The following B3GAT1 variants were observed in gnomAD, a reference collection of about 807,000 sequenced individuals.
The protein encoded by B3GAT1 is galactosylgalactosylxylosylprotein 3-beta-glucuronosyltransferase 1.
Under a neutral mutation model 28.4 loss-of-function variants are expected in B3GAT1, and 11 were observed. The observed-to-expected ratio is 0.39, with a 90% CI of 0.24 to 0.64. The LOEUF is 0.64. B3GAT1 is among the 30% of genes least tolerant of loss of function. The probability of loss-of-function intolerance (pLI) is 0.50; values close to 1 mark genes in which losing one functional copy is unlikely to be tolerated. For synonymous variants in B3GAT1, 255 were observed against 223.1 expected, an observed-to-expected ratio of 1.14 and a Z score of -1.27; for missense variants, 375 against 491.0, an observed-to-expected ratio of 0.76 and a Z score of 2.23.
At chr11:134,395,015 T>C (rs2136323363) in intron 1 of B3GAT1, among the ~76,000 whole-genome samples, 1 of 152,362 alleles carries the variant, frequency 6.6e-6, no homozygotes, top group East Asian at 1.9e-4. Flanking sequence ...TCTGGCTAAC[T>C]GCAGGAATCT....
chr11:134,384,111 C>T lies in B3GAT1; in HGVS notation c.190G>A (p.Val64Met), dbSNP rs367583989. ...ACGTACTCGGTGCGCACCACCTCCA[C>T]GATGTCGCGGTCAGACGTGCAGTAC... is the stretch of plus-strand genomic sequence containing the variant. ...REYCTSDRDI[V>M]EVVRTEYVYT... The change falls in exon 3 of 6, where the codon GTG becomes ATG. Residue 64 changes from valine to methionine, a missense_variant. Physicochemically the swap from Val to Met is conservative, Grantham distance 21. Coordinates refer to ENST00000312527, the MANE Select transcript of B3GAT1 (RefSeq NM_054025.3). 5 of 1,588,402 alleles carry T rather than the reference C, an allele frequency of 3.1e-6. No homozygotes were observed. The East Asian group carries it at 1.1e-4, about 36-fold the overall frequency.
rs1016285513 is a variant in B3GAT1, at chr11:134,393,449, C to T, written c.-281-5509G>A. On this transcript the variant is annotated intron_variant, in intron 1 of 5. Coordinates refer to ENST00000312527, the MANE Select transcript of B3GAT1 (RefSeq NM_054025.3). The surrounding 1 kb of genome is among the most constrained non-coding windows in gnomAD (Gnocchi z 4.0). ...TCAGCCACATCGCAGCATCCCGCTG[C>T]GATCTCGTTTTGATTTCTTCAAAGT... is the stretch of plus-strand genomic sequence containing the variant. Among the ~76,000 whole-genome samples the T allele has an allele frequency of 1.3e-5, 2 of 152,170 alleles. No homozygotes were observed. The highest frequency in any genetic ancestry group is 2.4e-5 in the African/African-American group (1 of 41,440).
At chr11:134,403,150 G>A (rs151336819) in intron 1 of B3GAT1, among the ~76,000 whole-genome samples, 1,628 of 152,226 alleles carry the variant, frequency 0.011, 25 homozygotes, top group African/African-American at 0.037. Flanking sequence ...GTCCACCACC[G>A]ACATGTAGCC....
At chr11:134,404,846 C>G (rs568402389) in intron 1 of B3GAT1, among the ~76,000 whole-genome samples, 1 of 152,356 alleles carries the variant, frequency 6.6e-6, no homozygotes, top group Non-Finnish European at 1.5e-5. Context: ...AATACTTCAG[C>G]TACCACGCAG....
chr11:134,387,879 C>T lies in B3GAT1; in HGVS notation c.-220G>A, dbSNP rs1481294309. The T allele has an allele frequency of 2.6e-6, 4 of 1,517,740 alleles. No individual in the cohort carries two copies. Among genetic ancestry groups the T allele is most frequent in the South Asian group, 1.2e-5 (1 of 83,074 alleles). The allele number at this position is 1,517,740 out of a possible 1,614,324, so 94.0% of individuals were successfully genotyped here. ...AGCAGGTTTGGAGAGTCCGGCCCAA[C>T]TGGAGTCTGAGAAGGGGTCGCTGTC... On this transcript the variant is annotated 5_prime_UTR_variant, in exon 2 of 6. Transcript: ENST00000312527.
rs1944318023 is a variant in B3GAT1, at chr11:134,387,576, G to A, written c.84C>T (p.Thr28=). Residue 28 remains threonine, a synonymous_variant, in exon 2 of 6, where the codon ACC becomes ACT. Transcript: ENST00000312527. The part of the protein sequence containing the change: ...TLLITVWHQS[T]LAPLLAVHKD... ...TATGTACCGCGAGCAGGGGTGCGAG[G>A]GTGCTCTGGTGCCAGACAGTGATGA... 4 of 1,613,978 alleles carry A rather than the reference G, an allele frequency of 2.5e-6. No homozygotes were observed. The African/African-American group carries it at 4.0e-5, about 16-fold the overall frequency.
At chr11:134,402,523 C>G (rs1426508468) in intron 1 of B3GAT1, among the ~76,000 whole-genome samples, 1 of 152,142 alleles carries the variant, frequency 6.6e-6, no homozygotes, top group Non-Finnish European at 1.5e-5. Flanking sequence ...AGGGCTCCCC[C>G]ACCTCCCTCT....
At chr11:134,394,444 C>T (rs934432257) in intron 1 of B3GAT1, among the ~76,000 whole-genome samples, 5 of 152,226 alleles carry the variant, frequency 3.3e-5, no homozygotes, top group Admixed American at 2.0e-4. Flanking sequence ...GCCCACACCA[C>T]GTCCCCCTGC....
intron 1 of B3GAT1, among the ~76,000 whole-genome samples, chr11:134,407,153 G>GCC (rs1332394132): frequency 6.6e-6 from 1 of 152,232 alleles, no homozygotes; most frequent in African/African-American, 2.4e-5. Flanking sequence ...GACGGATGCA[G>GCC]CCCCCCATGC....
intron 1 of B3GAT1, among the ~76,000 whole-genome samples, chr11:134,398,708 C>T (rs1944551596): frequency 6.6e-6 from 1 of 152,190 alleles, no homozygotes; most frequent in Admixed American, 6.5e-5. Context: ...CTCTCCTGGC[C>T]CTGGGTCCAC....
At chr11:134,395,683 T>C (rs1286403223) in intron 1 of B3GAT1, among the ~76,000 whole-genome samples, 1 of 152,140 alleles carries the variant, frequency 6.6e-6, no homozygotes, top group African/African-American at 2.4e-5. Context: ...CCTTGCTACC[T>C]TTCCATCCTT....
chr11:134,381,487 C>G (rs1944121486), intron 5 of B3GAT1, among the ~76,000 whole-genome samples: 2 of 152,214 alleles, frequency 1.3e-5, no homozygotes, highest in South Asian at 4.1e-4. Context: ...TGCGCTACCT[C>G]TCACTATGAC....
In B3GAT1 at chr11:134,383,901, G is replaced by C; in HGVS notation, c.400C>G (p.Leu134Val). Residue 134 changes from leucine (L) to valine (V), a missense_variant, in exon 3 of 6, where the codon CTG becomes GTG. Physicochemically the swap from Leu to Val is conservative, Grantham distance 32 (BLOSUM62 1). Transcript: ENST00000312527. ...PRRTPLTARL[L>V]RDTGLNYTHL... is the part of the protein sequence containing the mutation. ...GTGTAGTTGAGGCCGGTGTCGCGCA[G>C]CAGGCGCGCGGTCAGCGGCGTCCGG... 6.3e-7 allele frequency: 1 copy of C among 1,595,808 alleles called. No homozygotes were observed. Among genetic ancestry groups the C allele is most frequent in the Non-Finnish European group, 8.5e-7 (1 of 1,175,498 alleles).
intron 1 of B3GAT1, chr11:134,388,632 G>A (rs530083909): frequency 2.0e-5 from 3 of 152,502 alleles, no homozygotes; most frequent in Admixed American, 6.5e-5. Context: ...AGAGTCCTCA[G>A]TGTGTATTCT....
intron 2 of B3GAT1, 147 bp downstream of exon 2, chr11:134,387,401 G>A (rs796818993): frequency 2.1e-5 from 23 of 1,070,624 alleles, no homozygotes; most frequent in African/African-American, 1.6e-4. Flanking sequence ...CATTCCCAAA[G>A]GGGTGCAAGA....
chr11:134,381,779 C>T (rs1565447625), intron 5 of B3GAT1, 145 bp downstream of exon 5: 1 of 649,342 alleles, frequency 1.5e-6, no homozygotes, highest in South Asian at 1.8e-5. Flanking sequence ...GGGAAGGGGA[C>T]TGTGGTGACG....
intron 1 of B3GAT1, among the ~76,000 whole-genome samples, chr11:134,394,046 C>T (rs1591642527): frequency 6.6e-6 from 1 of 152,174 alleles, no homozygotes; most frequent in African/African-American, 2.4e-5. Flanking sequence ...GCCCTCCTGC[C>T]CCCAGCACCA....
chr11:134,408,970 T>C (rs974740335), intron 1 of B3GAT1, among the ~76,000 whole-genome samples: 1 of 151,884 alleles, frequency 6.6e-6, no homozygotes, highest in Non-Finnish European at 1.5e-5. Context: ...CCTGCACCGA[T>C]TCCAGTGGGA....
Position 134,380,309 on chromosome 11 carries a change from T to A in B3GAT1, c.*453A>T, listed in dbSNP as rs886325704. 1 of 152,256 alleles carries A rather than the reference T, an allele frequency of 6.6e-6. No homozygotes were observed. The highest frequency in any genetic ancestry group is 1.5e-5 in the Non-Finnish European group (1 of 68,088). 9.4% of individuals were successfully genotyped at this position (152,256 alleles called of 1,614,324 possible). On this transcript the variant is annotated 3_prime_UTR_variant, in exon 6 of 6. Transcript: ENST00000312527. ...GTCTTCAGAATTCCCTGGCTGGGTG[T>A]CCTGTGTGGTCGTGCTGAGCCCAGG...
Sources: gnomAD v4.1 joint callset for allele counts (sites outside exome capture counted in the v4.1 genomes callset) on GRCh38, gnomAD v4.1.1 for gene constraint, Gnocchi (gnomAD v3.1) non-coding constraint, MANE v1.5 for transcripts, NCBI Gene and HGNC (gene_info 2026-07-23, HGNC 2026-07-21) for gene names.